The following R3HDM2 variants were observed in gnomAD, a reference collection of about 807,000 sequenced individuals.
R3HDM2 encodes R3H domain containing 2.
R3HDM2 carries 38 observed loss-of-function variants against 124.5 expected under a neutral mutation model. That is an observed-to-expected ratio of 0.31 (90% CI 0.24 to 0.40). R3HDM2 has a LOEUF of 0.40. Ranked by LOEUF, R3HDM2 falls within the 10% of genes least tolerant of loss-of-function variation. The pLI is 1.00. For missense variants in R3HDM2, 869 were observed against 1,236.9 expected (o/e 0.70, Z 4.46); for synonymous variants, 391 against 448.0 (o/e 0.87, Z 1.61).
intron 1 of R3HDM2, among the ~76,000 whole-genome samples, chr12:57,416,572 G>C (rs2069628368): frequency 6.6e-6 from 1 of 152,172 alleles, no homozygotes; most frequent in Non-Finnish European, 1.5e-5. Context: ...AACACTGGGA[G>C]GATGAGAAGG....
chr12:57,261,684 C>A (rs533575360), intron 19 of R3HDM2, among the ~76,000 whole-genome samples: 1 of 145,352 alleles, frequency 6.9e-6, no homozygotes, highest in African/African-American at 2.5e-5. Flanking sequence ...GATTTTTATG[C>A]TTCTCTTCCT....
At chr12:57,373,382 A>C (rs1213236117) in intron 2 of R3HDM2, among the ~76,000 whole-genome samples, 2 of 151,818 alleles carry the variant, frequency 1.3e-5, no homozygotes, top group Non-Finnish European at 2.9e-5. Flanking sequence ...CGCCTGTAGT[A>C]CCAGCTACTA....
chr12:57,335,573 C>T (rs977264835), intron 2 of R3HDM2, among the ~76,000 whole-genome samples: 5 of 147,508 alleles, frequency 3.4e-5, no homozygotes, highest in Non-Finnish European at 7.4e-5. Flanking sequence ...TCACAGCTTG[C>T]TGCAACTTTG....
intron 7 of R3HDM2, 118 bp downstream of exon 7, chr12:57,297,972 G>T (rs1246436858): frequency 1.4e-6 from 1 of 731,760 alleles, no homozygotes; most frequent in Non-Finnish European, 2.5e-6. Context: ...AATACTAGGG[G>T]GACAGGAAGA....
At chr12:57,339,155 G>A (rs185204193) in intron 2 of R3HDM2, among the ~76,000 whole-genome samples, 4 of 151,844 alleles carry the variant, frequency 2.6e-5, no homozygotes, top group South Asian at 2.1e-4. Flanking sequence ...CACCATACCC[G>A]GCTAAATTTT....
rs2049579739 is a variant in R3HDM2, at chr12:57,295,482, T to C, written c.727A>G (p.Ile243Val). ...RIPEQRFSEHIKDEKNTEFQQ... is the reference protein window; with the variant it reads ...RIPEQRFSEHVKDEKNTEFQQ... ...AATTCTGTATTCTTCTCATCCTTTA[T>C]ATGTTCTGAGAACCTCTGTTCAGGG... is the stretch of plus-strand genomic sequence containing the variant. The change falls in exon 10 of 24, where the codon ATA becomes GTA. Residue 243 changes from isoleucine to valine, a missense_variant. Coordinates refer to ENST00000402412, the MANE Select transcript of R3HDM2 (RefSeq NM_001394031.1). 6.4e-7 allele frequency: 1 copy of C among 1,551,602 alleles called. No individual in the cohort carries two copies. The highest frequency in any genetic ancestry group is 2.4e-5 in the East Asian group (1 of 40,906).
At chr12:57,408,352 C>A (rs2068713897) in intron 1 of R3HDM2, among the ~76,000 whole-genome samples, 1 of 152,202 alleles carries the variant, frequency 6.6e-6, no homozygotes, top group Non-Finnish European at 1.5e-5. Context: ...TAGGCATGAG[C>A]CACCGCACCT....
intron 2 of R3HDM2, among the ~76,000 whole-genome samples, chr12:57,352,724 C>A (rs2060817815): frequency 6.6e-6 from 1 of 151,982 alleles, no homozygotes; most frequent in South Asian, 2.1e-4. Flanking sequence ...AAACTCCTAA[C>A]CTCAAATGAT....
chr12:57,297,735 AT>A (rs1241542561), intron 7 of R3HDM2: 3 of 352,478 alleles, frequency 8.5e-6, no homozygotes, highest in Non-Finnish European at 1.5e-5. Flanking sequence ...AGGAATTATA[AT>A]TTAGCTTATG....
At chr12:57,282,843 A>G (rs1051503665) in intron 13 of R3HDM2, among the ~76,000 whole-genome samples, 1 of 152,216 alleles carries the variant, frequency 6.6e-6, no homozygotes, top group Non-Finnish European at 1.5e-5. Context: ...AATCTTCAGC[A>G]CTACTGATGT....
intron 2 of R3HDM2, among the ~76,000 whole-genome samples, chr12:57,385,091 A>G (rs968532678): frequency 6.6e-6 from 1 of 151,970 alleles, no homozygotes; most frequent in African/African-American, 2.4e-5. Context: ...GGTTGCAGTG[A>G]GCAGATATCA....
intron 1 of R3HDM2, among the ~76,000 whole-genome samples, chr12:57,397,256 T>C (rs1272643089): frequency 2.3e-4 from 35 of 152,146 alleles, no homozygotes; most frequent in Non-Finnish European, 4.4e-5. Context: ...CTAAAAGCAG[T>C]AGTTATTATT....
chr12:57,429,486 G>T (rs1869070769), intron 1 of R3HDM2, among the ~76,000 whole-genome samples: 1 of 151,954 alleles, frequency 6.6e-6, no homozygotes. Flanking sequence ...ACTTTGGGAG[G>T]CCAAGGCAGG....
At chr12:57,321,053 T>C (rs1435155398) in intron 2 of R3HDM2, among the ~76,000 whole-genome samples, 1 of 152,128 alleles carries the variant, frequency 6.6e-6, no homozygotes, top group Non-Finnish European at 1.5e-5. Flanking sequence ...CTCAGGAGAA[T>C]AAACAAATGT....
chr12:57,365,151 C>T (rs535027129), intron 2 of R3HDM2, among the ~76,000 whole-genome samples: 1 of 151,240 alleles, frequency 6.6e-6, no homozygotes, highest in Admixed American at 6.6e-5. Context: ...GTAATCCCAG[C>T]TACTAGGGAG....
At chr12:57,299,514 G>T (rs1302417003) in intron 5 of R3HDM2, 36 bp from the exon 6 acceptor site, 1 of 1,527,248 alleles carries the variant, frequency 6.5e-7, no homozygotes, top group Non-Finnish European at 8.9e-7. Context: ...GGGGGAAAAA[G>T]ATTTTAACTT....
chr12:57,430,489 G>GGCCCCCCCCCCCCCCCCACCCCCCCCCC, intron 1 of R3HDM2: 1 of 790,578 alleles, frequency 1.3e-6, no homozygotes, highest in Non-Finnish European at 1.5e-6. Context: ...CCACCCCCCT[G>GGCCCCCCCCCCCCCCCCACCCCCCCCCC]CCCCCGCACC....
At chr12:57,361,852 A>G (rs1415048293) in intron 2 of R3HDM2, among the ~76,000 whole-genome samples, 1 of 152,248 alleles carries the variant, frequency 6.6e-6, no homozygotes, top group Admixed American at 6.5e-5. Context: ...TGGGTTTTAA[A>G]AATGTCAAGG....
intron 1 of R3HDM2, among the ~76,000 whole-genome samples, chr12:57,416,434 CAAG>C (rs1482016675): frequency 6.6e-6 from 1 of 152,166 alleles, no homozygotes; most frequent in Non-Finnish European, 1.5e-5. Context: ...CCAAAAAGAA[CAAG>C]AAGCAACATT....
Sources: gnomAD v4.1 joint callset for allele counts (sites outside exome capture counted in the v4.1 genomes callset) on GRCh38, gnomAD v4.1.1 for gene constraint, MANE v1.5 for transcripts, NCBI Gene and HGNC (gene_info 2026-07-23, HGNC 2026-07-21) for gene names.